The following KLHL1 variants were observed in gnomAD, a reference collection of about 807,000 sequenced individuals.
KLHL1 encodes the protein kelch like family member 1.
In KLHL1, 47 loss-of-function variants were observed where a neutral mutation model predicts 77.7. The observed-to-expected ratio is 0.60, with a 90% CI of 0.48 to 0.77. KLHL1 has a LOEUF of 0.77. KLHL1 is among the 30% of genes least tolerant of loss of function. The pLI is 0.00. For synonymous variants in KLHL1, 360 were observed against 325.2 expected (o/e 1.11, Z -1.15); for missense variants, 925 against 910.8 (o/e 1.02, Z -0.20).
intron 3 of KLHL1, among the ~76,000 whole-genome samples, chr13:69,960,327 G>T (rs1400597122): frequency 2.0e-5 from 3 of 151,944 alleles, no homozygotes; most frequent in Non-Finnish European, 2.9e-5. Flanking sequence ...CGTTCCTGCT[G>T]CTTTGATAAC....
chr13:69,878,241 T>G (rs749665949), intron 5 of KLHL1, among the ~76,000 whole-genome samples: 63 of 151,660 alleles, frequency 4.2e-4, no homozygotes, highest in Non-Finnish European at 8.4e-4. Flanking sequence ...TGGAAACATC[T>G]GTTTTTTTTT....
At chr13:70,099,631 T>G (rs537451598) in intron 1 of KLHL1, among the ~76,000 whole-genome samples, 12 of 151,962 alleles carry the variant, frequency 7.9e-5, no homozygotes, top group Non-Finnish European at 1.6e-4. Flanking sequence ...ATAAATACAA[T>G]AGATAAGTTT....
At chr13:70,010,122 G>A (rs145556981) in intron 1 of KLHL1, among the ~76,000 whole-genome samples, 1 of 152,220 alleles carries the variant, frequency 6.6e-6, no homozygotes, top group Admixed American at 6.5e-5. Context: ...GAGTGCAATA[G>A]AAGATAAAGT....
At chr13:69,736,256 A>G (rs1873756745) in intron 8 of KLHL1, among the ~76,000 whole-genome samples, 1 of 152,224 alleles carries the variant, frequency 6.6e-6, no homozygotes, top group Admixed American at 6.5e-5. Flanking sequence ...TCAAAAGAAC[A>G]TATACAAATG....
At chr13:70,017,388 C>T (rs544340831) in intron 1 of KLHL1, among the ~76,000 whole-genome samples, 20 of 152,324 alleles carry the variant, frequency 1.3e-4, no homozygotes, top group African/African-American at 2.4e-4. Flanking sequence ...TTGCCCACAT[C>T]GGAAGCTGCA....
At chr13:69,725,457 C>G (rs981610268) in intron 8 of KLHL1, among the ~76,000 whole-genome samples, 2 of 152,056 alleles carry the variant, frequency 1.3e-5, no homozygotes, top group Admixed American at 1.3e-4. Flanking sequence ...AGGTCAGAAC[C>G]AGACACATGG....
At chr13:69,917,400 G>C (rs934019876) in intron 4 of KLHL1, among the ~76,000 whole-genome samples, 2 of 152,014 alleles carry the variant, frequency 1.3e-5, no homozygotes, top group Admixed American at 6.6e-5. Context: ...CACAATGACT[G>C]TAAATGTCTA....
intron 1 of KLHL1, among the ~76,000 whole-genome samples, chr13:70,009,982 G>A (rs1246232343): frequency 2.0e-5 from 3 of 151,928 alleles, no homozygotes; most frequent in Admixed American, 1.3e-4. Flanking sequence ...CAAAGGAAAG[G>A]AGTAAGGAGG....
intron 8 of KLHL1, among the ~76,000 whole-genome samples, chr13:69,734,684 C>T (rs936517323): frequency 1.3e-5 from 2 of 151,782 alleles, no homozygotes; most frequent in African/African-American, 4.8e-5. Flanking sequence ...AGGACAATCA[C>T]AATATAGAAT....
chr13:69,895,545 C>T (rs1881603114), intron 4 of KLHL1, among the ~76,000 whole-genome samples: 2 of 152,022 alleles, frequency 1.3e-5, no homozygotes, highest in African/African-American at 4.8e-5. Context: ...AATTGTGTGG[C>T]TTTAAAAAAT....
intron 5 of KLHL1, among the ~76,000 whole-genome samples, chr13:69,841,200 T>A (rs1879249802): frequency 1.3e-5 from 2 of 151,190 alleles, no homozygotes; most frequent in African/African-American, 4.9e-5. Context: ...AACATAGTAT[T>A]GGAAGTCTTA....
At position 69,796,777 on chromosome 13, in the gene KLHL1, T is replaced by A; in HGVS notation, c.1600A>T (p.Thr534Ser). The A allele has an allele frequency of 6.2e-7, 1 of 1,613,676 alleles. No individual in the cohort carries two copies. The highest frequency in any genetic ancestry group is 8.5e-7 in the Non-Finnish European group (1 of 1,179,554). ...TGTGTTGACATTGGTGGTAAGACAG[T>A]CCATGTCTTGGTTTTGGGATTGTAA... ...ECYNPKTKTW[T>S]VLPPMSTHRH... Residue 534 changes from threonine (T) to serine (S), a missense_variant, in exon 7 of 11, where the codon ACT (threonine) becomes TCT (serine). Coordinates refer to ENST00000377844, the MANE Select transcript of KLHL1 (RefSeq NM_020866.3).
At chr13:70,093,322 C>A (rs929149192) in intron 1 of KLHL1, among the ~76,000 whole-genome samples, 20 of 152,090 alleles carry the variant, frequency 1.3e-4, no homozygotes, top group African/African-American at 4.8e-4. Context: ...GTTTTCGTAC[C>A]TCCTCTGATA....
intron 2 of KLHL1, among the ~76,000 whole-genome samples, chr13:69,964,543 G>A (rs561435118): frequency 2.0e-5 from 3 of 152,036 alleles, no homozygotes; most frequent in Non-Finnish European, 2.9e-5. Flanking sequence ...ATCAAATTTT[G>A]AAAATTATCT....
intron 8 of KLHL1, among the ~76,000 whole-genome samples, chr13:69,734,354 C>G (rs1306684771): frequency 6.6e-6 from 1 of 152,110 alleles, no homozygotes; most frequent in Non-Finnish European, 1.5e-5. Flanking sequence ...GAAGAAGTGA[C>G]AGCCAAGTAA....
At chr13:70,056,622 A>G (rs966701148) in intron 1 of KLHL1, among the ~76,000 whole-genome samples, 7 of 152,190 alleles carry the variant, frequency 4.6e-5, no homozygotes, top group African/African-American at 1.7e-4. Context: ...TTTATCAGGT[A>G]TCTTCTCTGA....
At chr13:69,793,335 G>A (rs958733142) in intron 7 of KLHL1, among the ~76,000 whole-genome samples, 1 of 151,684 alleles carries the variant, frequency 6.6e-6, no homozygotes, top group Non-Finnish European at 1.5e-5. Flanking sequence ...TAATTCCCTG[G>A]GCAGATCTTT....
At chr13:70,056,288 T>C (rs928608693) in intron 1 of KLHL1, among the ~76,000 whole-genome samples, 6 of 151,992 alleles carry the variant, frequency 3.9e-5, no homozygotes, top group Non-Finnish European at 7.4e-5. Context: ...GAAGAGGAGA[T>C]AACAATTGTA....
chr13:69,768,275 T>C (rs1225010027), intron 7 of KLHL1, among the ~76,000 whole-genome samples: 2 of 152,192 alleles, frequency 1.3e-5, no homozygotes, highest in African/African-American at 2.4e-5. Flanking sequence ...GTATGGAGTA[T>C]GTGTCTTCTA....
Sources: allele counts gnomAD v4.1 joint callset (sites outside exome capture counted in the v4.1 genomes callset), GRCh38; gene constraint gnomAD v4.1.1; transcripts MANE v1.5; gene names NCBI Gene and HGNC (gene_info 2026-07-23, HGNC 2026-07-21).